DEPTOR: variants seen among roughly 807,000 people sequenced by gnomAD.
DEPTOR encodes DEP domain containing MTOR interacting protein.
Under a neutral mutation model 41.6 loss-of-function variants are expected in DEPTOR, and 41 were observed. The ratio of observed to expected loss-of-function variants is 0.98; its 90% CI spans 0.77 to 1.28. The LOEUF (loss-of-function observed/expected upper bound fraction) is 1.28, where lower values mean the gene tolerates loss of function less well. DEPTOR is among the 50% of genes most tolerant of loss of function. DEPTOR has a pLI of 0.00. For missense variants in DEPTOR, 514 were observed against 527.9 expected (o/e 0.97, Z 0.26); for synonymous variants, 195 against 192.3 (o/e 1.01, Z -0.12).
intron 3 of DEPTOR, among the ~76,000 whole-genome samples, chr8:119,946,758 T>G (rs187931175): frequency 1.3e-5 from 2 of 151,962 alleles, no homozygotes; most frequent in East Asian, 3.9e-4. Flanking sequence ...AAAAAAAAAG[T>G]TCTCTGTGTT....
chr8:120,011,234 G>A (rs550248493), intron 8 of DEPTOR, among the ~76,000 whole-genome samples: 1 of 152,310 alleles, frequency 6.6e-6, no homozygotes, highest in South Asian at 2.1e-4. Context: ...GTATGATTAG[G>A]GGCTGCTTCC....
At chr8:119,878,396 T>G (rs1442320894) in intron 1 of DEPTOR, among the ~76,000 whole-genome samples, 1 of 151,486 alleles carries the variant, frequency 6.6e-6, no homozygotes, top group Non-Finnish European at 1.5e-5. Flanking sequence ...CTCGGCTTAC[T>G]GCAACCTTCG....
chr8:120,028,528 G>A (rs1252078361), intron 8 of DEPTOR, among the ~76,000 whole-genome samples: 1 of 143,446 alleles, frequency 7.0e-6, no homozygotes, highest in Non-Finnish European at 1.5e-5. Context: ...GCACGATCTC[G>A]GCTCACTGCA....
chr8:119,942,590 T>C (rs1025072015), intron 3 of DEPTOR, among the ~76,000 whole-genome samples: 3 of 152,210 alleles, frequency 2.0e-5, no homozygotes, highest in Admixed American at 6.5e-5. Context: ...GCTGGCTACT[T>C]CCGCCAAGTT....
intron 8 of DEPTOR, among the ~76,000 whole-genome samples, chr8:120,045,148 G>A (rs977584504): frequency 1.1e-4 from 17 of 152,094 alleles, no homozygotes; most frequent in South Asian, 2.1e-4. Flanking sequence ...AGCAGTTCAC[G>A]GTGTGCTTGC....
chr8:119,954,423 G>T (rs1320836234), intron 3 of DEPTOR, among the ~76,000 whole-genome samples: 1 of 152,176 alleles, frequency 6.6e-6, no homozygotes, highest in African/African-American at 2.4e-5. Context: ...TGGGATTAAG[G>T]TGTGAGCCAG....
chr8:119,930,012 T>C, intron 3 of DEPTOR, 74 bp downstream of exon 3: 7 of 1,500,402 alleles, frequency 4.7e-6, no homozygotes, highest in East Asian at 2.3e-5. Flanking sequence ...TCTCATTATG[T>C]TGATTTCAGC....
chr8:119,912,905 T>A (rs1827762919), intron 1 of DEPTOR, among the ~76,000 whole-genome samples: 1 of 152,140 alleles, frequency 6.6e-6, no homozygotes, highest in Admixed American at 6.6e-5. Flanking sequence ...TCTAGCTTTG[T>A]TTTTTTGTTT....
intron 8 of DEPTOR, among the ~76,000 whole-genome samples, chr8:120,049,040 A>G (rs532597645): frequency 6.6e-6 from 1 of 152,168 alleles, no homozygotes; most frequent in Non-Finnish European, 1.5e-5. Flanking sequence ...TTAAGTTTAC[A>G]TCGATATTAC....
At chr8:119,921,910 A>G (rs1827901092) in intron 1 of DEPTOR, among the ~76,000 whole-genome samples, 1 of 151,618 alleles carries the variant, frequency 6.6e-6, no homozygotes, top group Non-Finnish European at 1.5e-5. Context: ...ACAGGCACAC[A>G]CCACCACACC....
rs767634910 is a variant in DEPTOR, at chr8:119,873,804, C to T, written c.-43C>T. On this transcript the variant is annotated 5_prime_UTR_variant, in exon 1 of 9. Coordinates refer to ENST00000286234, the MANE Select transcript of DEPTOR (RefSeq NM_022783.4). The stretch of plus-strand genomic sequence containing the variant: ...AGACTGATCCGAGCACCCAAACCCT[C>T]GGCGGACAGCGGAGCCAGTGGTAGC... The T allele has an allele frequency of 3.1e-6, 5 of 1,605,416 alleles. No individual in the cohort carries two copies. Among genetic ancestry groups the T allele is most frequent in the South Asian group, 1.1e-5 (1 of 90,634 alleles).
intron 4 of DEPTOR, among the ~76,000 whole-genome samples, chr8:119,981,869 G>C (rs981690209): frequency 6.6e-6 from 1 of 151,682 alleles, no homozygotes; most frequent in African/African-American, 2.4e-5. Context: ...CAAAAAATTA[G>C]CTGGGAGTGG....
chr8:119,986,124 A>AAGC (rs1828827769), intron 4 of DEPTOR, among the ~76,000 whole-genome samples: 3 of 149,966 alleles, frequency 2.0e-5, no homozygotes, highest in Non-Finnish European at 4.4e-5. Context: ...TCATAGTGTC[A>AAGC]ATGGTCTTTA....
chr8:120,038,863 G>A (rs1362073495), intron 8 of DEPTOR, among the ~76,000 whole-genome samples: 2 of 152,070 alleles, frequency 1.3e-5, no homozygotes, highest in South Asian at 2.1e-4. Flanking sequence ...ATCGTGAGAT[G>A]GAAATAAAAA....
intron 3 of DEPTOR, among the ~76,000 whole-genome samples, chr8:119,939,362 A>G (rs9918814): frequency 0.31 from 47,116 of 151,836 alleles, 7,655 homozygotes; most frequent in Middle Eastern, 0.41. Context: ...CTCTTTCCTC[A>G]GAGTAGAACA....
At chr8:119,989,002 T>A (rs1215281576) in intron 4 of DEPTOR, among the ~76,000 whole-genome samples, 1 of 139,564 alleles carries the variant, frequency 7.2e-6, no homozygotes, top group African/African-American at 2.6e-5. Context: ...GGCTTTACCA[T>A]GTTGCCCAGG....
chr8:119,977,495 G>A (rs368633452), intron 4 of DEPTOR, among the ~76,000 whole-genome samples: 2 of 151,936 alleles, frequency 1.3e-5, no homozygotes, highest in African/African-American at 4.8e-5. Context: ...TTTACTTTCC[G>A]AATTTAGACT....
chr8:119,973,280 G>A (rs1189085439), intron 4 of DEPTOR, among the ~76,000 whole-genome samples: 1 of 151,922 alleles, frequency 6.6e-6, no homozygotes, highest in African/African-American at 2.4e-5. Context: ...TGTTGACCAG[G>A]CTGGAGTGCA....
intron 3 of DEPTOR, among the ~76,000 whole-genome samples, chr8:119,932,260 C>T (rs189976263): frequency 8.5e-5 from 13 of 152,242 alleles, no homozygotes; most frequent in African/African-American, 3.1e-4. Context: ...ACTGGGACTA[C>T]AGCCATGAGC....
Sources: allele counts gnomAD v4.1 joint callset (sites outside exome capture counted in the v4.1 genomes callset), GRCh38; gene constraint gnomAD v4.1.1; transcripts MANE v1.5; gene names NCBI Gene and HGNC (gene_info 2026-07-23, HGNC 2026-07-21).